The following DIP2C variants were observed in gnomAD, a reference collection of about 807,000 sequenced individuals.
The protein encoded by DIP2C is DIP2 acetate--CoA ligase C (putative).
In DIP2C, 33 loss-of-function variants were observed where a neutral mutation model predicts 192.4. The ratio of observed to expected loss-of-function variants is 0.17; its 90% CI spans 0.13 to 0.23. The LOEUF is 0.23. Among genes scored for constraint, DIP2C ranks in the 10% least tolerant of loss-of-function variants. The pLI is 1.00. For synonymous variants in DIP2C, 979 were observed against 864.1 expected (o/e 1.13, Z -2.33); for missense variants, 1,537 against 2,110.1 (o/e 0.73, Z 5.32).
intron 3 of DIP2C, among the ~76,000 whole-genome samples, chr10:450,642 G>T (rs1589824831): frequency 6.6e-6 from 1 of 152,218 alleles, no homozygotes; most frequent in African/African-American, 2.4e-5. Context: ...CCACGCATGA[G>T]CAGCCACAGC....
chr10:572,949 C>T (rs1343686124), intron 1 of DIP2C, among the ~76,000 whole-genome samples: 9 of 152,110 alleles, frequency 5.9e-5, no homozygotes, highest in African/African-American at 1.2e-4. Context: ...AAGATGTCCC[C>T]GCTCCCTGAA....
intron 32 of DIP2C, among the ~76,000 whole-genome samples, chr10:294,936 A>G (rs1040845545): frequency 2.0e-5 from 3 of 152,172 alleles, no homozygotes; most frequent in Non-Finnish European, 4.4e-5. Context: ...AATATTCAGG[A>G]TATATAAGGA....
chr10:499,572 A>G (rs1214352602), intron 1 of DIP2C, among the ~76,000 whole-genome samples: 1 of 152,200 alleles, frequency 6.6e-6, no homozygotes, highest in African/African-American at 2.4e-5. Context: ...GTACCATATA[A>G]TATCTGACAG....
chr10:306,670 C>G (rs1181200441), intron 32 of DIP2C, among the ~76,000 whole-genome samples: 1 of 152,168 alleles, frequency 6.6e-6, no homozygotes, highest in Non-Finnish European at 1.5e-5. Flanking sequence ...TCACTGCCTC[C>G]CGACTGCTGG....
chr10:484,444 G>A (rs551729985), intron 2 of DIP2C, among the ~76,000 whole-genome samples: 58 of 152,346 alleles, frequency 3.8e-4, no homozygotes, highest in African/African-American at 1.3e-3. Context: ...TTGGCTATAA[G>A]ATGAAAGTCT....
chr10:540,140 T>C (rs1293110538), intron 1 of DIP2C, among the ~76,000 whole-genome samples: 1 of 152,244 alleles, frequency 6.6e-6, no homozygotes, highest in African/African-American at 2.4e-5. Flanking sequence ...ATATTTCCTA[T>C]TTATGAGAAC....
intron 32 of DIP2C, among the ~76,000 whole-genome samples, chr10:305,084 G>A (rs1411941508): frequency 2.0e-5 from 3 of 151,924 alleles, no homozygotes; most frequent in South Asian, 2.1e-4. Context: ...TGCATGTGCA[G>A]TTGAAACACA....
At chr10:570,614 C>A (rs1487734802) in intron 1 of DIP2C, among the ~76,000 whole-genome samples, 1 of 152,218 alleles carries the variant, frequency 6.6e-6, no homozygotes, top group Non-Finnish European at 1.5e-5. Flanking sequence ...TCCCCTACCA[C>A]CCGACCTGCC....
At chr10:282,384 T>C (rs1954876136) in intron 35 of DIP2C, among the ~76,000 whole-genome samples, 1 of 152,236 alleles carries the variant, frequency 6.6e-6, no homozygotes, top group Non-Finnish European at 1.5e-5. Flanking sequence ...GCAAATGTCA[T>C]GCCAGGATAT....
intron 1 of DIP2C, among the ~76,000 whole-genome samples, chr10:563,651 T>A (rs1341662084): frequency 1.3e-5 from 2 of 152,244 alleles, no homozygotes; most frequent in African/African-American, 4.8e-5. Context: ...GGAGCATTTG[T>A]TAGCAAAGCA....
At chr10:509,659 A>G (rs923114467) in intron 1 of DIP2C, among the ~76,000 whole-genome samples, 1 of 152,196 alleles carries the variant, frequency 6.6e-6, no homozygotes, top group African/African-American at 2.4e-5. Context: ...TCCAGACGAG[A>G]GAGAGGCATC....
At chr10:383,978 A>G in intron 16 of DIP2C, 49 bp downstream of exon 16, 2 of 1,421,266 alleles carry the variant, frequency 1.4e-6, no homozygotes, top group Non-Finnish European at 9.2e-7. Flanking sequence ...AAAAAAAAAA[A>G]AGACTCCACA....
intron 1 of DIP2C, among the ~76,000 whole-genome samples, chr10:577,823 GT>G (rs35201000): frequency 0.014 from 1,958 of 143,706 alleles, 19 homozygotes; most frequent in East Asian, 0.057. Flanking sequence ...GTTTTTTTGT[GT>G]TTTTTTTTTT....
At chr10:373,249 C>T (rs935087015) in intron 17 of DIP2C, among the ~76,000 whole-genome samples, 2 of 152,302 alleles carry the variant, frequency 1.3e-5, no homozygotes, top group East Asian at 3.9e-4. Flanking sequence ...GCACAACCAA[C>T]GTCAGCACAT....
chr10:560,345 G>A (rs1057343057), intron 1 of DIP2C, among the ~76,000 whole-genome samples: 4 of 151,830 alleles, frequency 2.6e-5, no homozygotes, highest in African/African-American at 9.7e-5. Context: ...GAAGACAAAA[G>A]CTGCACAACA....
intron 1 of DIP2C, among the ~76,000 whole-genome samples, chr10:568,622 C>T (rs1162332671): frequency 6.6e-6 from 1 of 151,698 alleles, no homozygotes; most frequent in Non-Finnish European, 1.5e-5. Context: ...AAAAATTAGC[C>T]AGGCATGGTG....
Position 423,024 on chromosome 10 carries a change from G to A in DIP2C, c.404C>T (p.Ser135Phe). 6.2e-7 allele frequency: 1 copy of A among 1,609,226 alleles called. No individual in the cohort carries two copies. The highest frequency in any genetic ancestry group is 8.5e-7 in the Non-Finnish European group (1 of 1,176,792). Residue 135 changes from serine to phenylalanine, a missense_variant, in exon 5 of 37, where the codon TCT (serine) becomes TTT (phenylalanine). By Grantham distance (155) the Ser-to-Phe change is radical. Around this residue, in one of 4 missense-constraint regions of DIP2C, gnomAD observed 473 missense variants for 539.6 expected, o/e 0.88. Coordinates refer to ENST00000280886, the MANE Select transcript of DIP2C (RefSeq NM_014974.3). Reference sequence around the variant, plus strand: ...CACTGAGCCTTCATCTTCTGAGCCAGAAGAGGTATCTGTGTAAGAAGAAAG... The same window carrying A: ...CACTGAGCCTTCATCTTCTGAGCCAAAAGAGGTATCTGTGTAAGAAGAAAG... ...MDAYTPPDTS[S>F]GSEDEGSVQG...
At chr10:325,129 G>C in intron 31 of DIP2C, 1 of 351,396 alleles carries the variant, frequency 2.8e-6, no homozygotes, top group Non-Finnish European at 5.6e-6. Context: ...GCTGCGCTTG[G>C]TGGCGAGCAC....
chr10:424,203 C>T (rs1024950048), intron 4 of DIP2C, among the ~76,000 whole-genome samples: 4 of 152,084 alleles, frequency 2.6e-5, no homozygotes, highest in African/African-American at 7.2e-5. Context: ...AATCTTAAGA[C>T]ACGGGTTTGT....
Sources: gnomAD v4.1 joint callset for allele counts (sites outside exome capture counted in the v4.1 genomes callset) on GRCh38, gnomAD v4.1.1 for gene constraint, gnomAD v4.1.1 regional missense constraint, MANE v1.5 for transcripts, NCBI Gene and HGNC (gene_info 2026-07-23, HGNC 2026-07-21) for gene names.